FOXP1: variants seen among roughly 807,000 people sequenced by gnomAD.
FOXP1 encodes forkhead box protein P1.
A neutral mutation model predicts 98.2 loss-of-function variants in FOXP1; 15 were observed. The ratio of observed to expected loss-of-function variants is 0.15; its 90% CI spans 0.10 to 0.24. FOXP1 has a LOEUF of 0.24. Among genes scored for constraint, FOXP1 ranks in the 10% least tolerant of loss-of-function variants. The pLI is 1.00. For missense variants in FOXP1, 633 were observed against 848.5 expected (o/e 0.75, Z 3.15); for synonymous variants, 371 against 314.5 (o/e 1.18, Z -1.90).
intron 11 of FOXP1, among the ~76,000 whole-genome samples, chr3:71,031,756 AAAAG>A (rs1416187550): frequency 1.3e-5 from 2 of 152,182 alleles, no homozygotes; most frequent in Non-Finnish European, 2.9e-5. Flanking sequence ...AAAAAACAAA[AAAAG>A]AGGTGGGGAA....
At chr3:71,278,311 T>C (rs1034376535) in intron 5 of FOXP1, among the ~76,000 whole-genome samples, 2 of 151,972 alleles carry the variant, frequency 1.3e-5, no homozygotes, top group Non-Finnish European at 2.9e-5. Context: ...AGTAAGAGAG[T>C]TGTCTTCTCT....
chr3:71,491,423 G>A (rs2091051410), intron 3 of FOXP1, among the ~76,000 whole-genome samples: 1 of 152,304 alleles, frequency 6.6e-6, no homozygotes, highest in South Asian at 2.1e-4. Context: ...GTTCACGGGT[G>A]AGAGAACCGA....
Position 71,047,108 on chromosome 3 carries a change from AG to A in FOXP1, c.511-14del. The A allele has an allele frequency of 6.2e-7, 1 of 1,613,950 alleles. No homozygotes were observed. Among genetic ancestry groups the A allele is most frequent in the Non-Finnish European group, 8.5e-7 (1 of 1,179,890 alleles). On this transcript the variant is annotated splice_polypyrimidine_tract_variant and intron_variant, in intron 9 of 20. Coordinates refer to ENST00000649528, the MANE Select transcript of FOXP1 (RefSeq NM_001349338.3). ...CCACCTGCTGTTGCTGTAAGAAATC[AG>A]GAAGAAAAAATGAGATGGCCACTTC...
In FOXP1 at chr3:71,100,491, TA is replaced by T. The variant is rs889751296; in HGVS notation, c.282+12044del. Among the ~76,000 whole-genome samples, 32 of 152,284 alleles carry T rather than the reference TA, an allele frequency of 2.1e-4. 2 individuals carry two copies. In the East Asian group the frequency reaches 2.3e-3, roughly 11 times the overall value. On this transcript the variant is annotated intron_variant, in intron 7 of 20. Transcript: ENST00000649528. ...TCAGAGGAGATCAGAAGAAACCTTCTAGGGGGCAGTGGTAGATACCAATGGA... is the reference window on the plus strand; with the variant it reads ...TCAGAGGAGATCAGAAGAAACCTTCTGGGGGCAGTGGTAGATACCAATGGA...
chr3:71,117,575 GGAA>G (rs2058463677), intron 6 of FOXP1, among the ~76,000 whole-genome samples: 1 of 152,100 alleles, frequency 6.6e-6, no homozygotes. Context: ...GGGTGAAAAA[GGAA>G]GAAGGAGAGG....
At chr3:71,428,635 T>A (rs769871841) in intron 3 of FOXP1, among the ~76,000 whole-genome samples, 1 of 152,182 alleles carries the variant, frequency 6.6e-6, no homozygotes, top group East Asian at 1.9e-4. Flanking sequence ...GGCCCCCCTA[T>A]GAAATGTCTT....
intron 14 of FOXP1, among the ~76,000 whole-genome samples, chr3:70,986,761 C>T (rs1017192497): frequency 3.3e-5 from 5 of 151,916 alleles, no homozygotes; most frequent in Admixed American, 6.5e-5. Flanking sequence ...AAATAATACA[C>T]GGAAACTAAG....
intron 4 of FOXP1, chr3:71,332,133 A>T (rs997606359): frequency 6.6e-6 from 1 of 152,284 alleles, no homozygotes; most frequent in Non-Finnish European, 1.5e-5. Context: ...GCTGTTTGCA[A>T]TAAATCTTGC....
chr3:71,114,216 T>A lies in FOXP1; in HGVS notation c.181-1579A>T, dbSNP rs190344523. ...TGTTCCTTAAAAAGGAACAGGTGCT[T>A]CATTTACATAAGAAAACAACATGGA... On this transcript the variant is annotated intron_variant, in intron 6 of 20. Transcript: ENST00000649528. Among the ~76,000 whole-genome samples the A allele has an allele frequency of 2.6e-5, 4 of 152,322 alleles. No homozygotes were observed. The East Asian group carries it at 5.8e-4, about 22-fold the overall frequency.
chr3:71,356,213 CAA>C (rs3064928), intron 4 of FOXP1, among the ~76,000 whole-genome samples: 905 of 75,316 alleles, frequency 0.012, 13 homozygotes, highest in East Asian at 0.11. Flanking sequence ...CTGACTAAGT[CAA>C]AAAAAAAAAA....
chr3:71,471,692 C>G (rs964090054), intron 3 of FOXP1, among the ~76,000 whole-genome samples: 1 of 152,168 alleles, frequency 6.6e-6, no homozygotes. Context: ...AGAAATGAGA[C>G]AGTCCACCCT....
At chr3:71,286,278 G>T (rs2072117676) in intron 5 of FOXP1, among the ~76,000 whole-genome samples, 1 of 151,990 alleles carries the variant, frequency 6.6e-6, no homozygotes, top group African/African-American at 2.4e-5. Context: ...GAATTAGATG[G>T]GATATCTACC....
intron 6 of FOXP1, among the ~76,000 whole-genome samples, chr3:71,194,071 A>G (rs1283006998): frequency 6.6e-6 from 1 of 152,196 alleles, no homozygotes; most frequent in Non-Finnish European, 1.5e-5. Context: ...CGGGAAGTAA[A>G]CACTTTGCTT....
chr3:71,314,696 T>C (rs548276034), intron 4 of FOXP1, among the ~76,000 whole-genome samples: 4 of 152,116 alleles, frequency 2.6e-5, no homozygotes, highest in South Asian at 2.1e-4. Flanking sequence ...AGGTATAAGA[T>C]TGGGGTCTCA....
chr3:71,141,580 T>C (rs1199767749), intron 6 of FOXP1, among the ~76,000 whole-genome samples: 1 of 152,220 alleles, frequency 6.6e-6, no homozygotes, highest in African/African-American at 2.4e-5. Context: ...CATTAGCTTC[T>C]ATTTACACAC....
chr3:71,041,631 TA>T, intron 10 of FOXP1, 99 bp from the exon 11 acceptor site: 1 of 1,213,828 alleles, frequency 8.2e-7, no homozygotes, highest in South Asian at 1.3e-5. Context: ...AGCCTAGTGT[TA>T]GGGGGGTTTT....
chr3:71,106,368 C>T (rs1026598798), intron 7 of FOXP1, among the ~76,000 whole-genome samples: 1 of 152,178 alleles, frequency 6.6e-6, no homozygotes, highest in Non-Finnish European at 1.5e-5. Flanking sequence ...GACAGAGTCT[C>T]GCTGTCGCCC....
chr3:71,500,099 A>T (rs1013964411), intron 2 of FOXP1, among the ~76,000 whole-genome samples: 1 of 152,222 alleles, frequency 6.6e-6, no homozygotes, highest in Non-Finnish European at 1.5e-5. Context: ...GTTTCAGTGA[A>T]GTTCCCTAAA....
At chr3:71,097,646 A>G (rs918272300) in intron 7 of FOXP1, among the ~76,000 whole-genome samples, 14 of 152,358 alleles carry the variant, frequency 9.2e-5, no homozygotes, top group South Asian at 4.1e-4. Context: ...AATGTCATCA[A>G]TCAGAATGCG....
Sources: allele counts gnomAD v4.1 joint callset (sites outside exome capture counted in the v4.1 genomes callset), GRCh38; gene constraint gnomAD v4.1.1; transcripts MANE v1.5; gene names NCBI Gene and HGNC (gene_info 2026-07-23, HGNC 2026-07-21).